Variants in SCO2 observed in about 807,000 individuals in gnomAD.
The protein encoded by SCO2 is cytochrome c oxidase assembly factor SCO2.
For missense variants in SCO2, 429 were observed against 348.7 expected, an observed-to-expected ratio of 1.23 and a Z score of -1.83; for synonymous variants, 195 against 148.6, an observed-to-expected ratio of 1.31 and a Z score of -2.27.
chr22:50,525,424 G>T, intron 1 of SCO2, 48 bp downstream of exon 1: 1 of 359,420 alleles, frequency 2.8e-6, no homozygotes, highest in South Asian at 2.8e-5. Context: ...CCGGAGTCCA[G>T]CGAGTCCTCA....
upstream of SCO2, chr22:50,525,613 T>C: frequency 2.6e-6 from 3 of 1,162,396 alleles, no homozygotes; most frequent in Non-Finnish European, 3.7e-6. Context: ...GAGCTGCGCA[T>C]GCGCACACGG....
chr22:50,525,502 A>C lies in SCO2; in HGVS notation c.-44T>G. On this transcript the variant is annotated 5_prime_UTR_variant, in exon 1 of 2. Transcript: ENST00000395693. The stretch of plus-strand genomic sequence containing the variant: ...GGCGGGGCCGCGCGTCAGTGGACCA[A>C]GCACGAGAGGAAGCGCCGACCTCCA... The C allele has an allele frequency of 1.9e-6, 1 of 538,434 alleles. No individual in the cohort carries two copies. Among genetic ancestry groups the C allele is most frequent in the East Asian group, 3.5e-5 (1 of 28,644 alleles). 33.4% of individuals were successfully genotyped at this position (538,434 alleles called of 1,614,324 possible).
At chr22:50,526,213 A>AG (rs1569522093), upstream of SCO2, 14 of 1,498,088 alleles carry the variant, frequency 9.3e-6, no homozygotes, top group Non-Finnish European at 1.2e-5. Context: ...GGGATGGCGG[A>AG]GGCGGAAGGA....
rs1243895175 is a variant in SCO2, at chr22:50,523,784, T to C, written c.628A>G (p.Asn210Asp). 2 of 1,614,004 alleles carry C rather than the reference T, an allele frequency of 1.2e-6. No individual in the cohort carries two copies. Among genetic ancestry groups the C allele is most frequent in the African/African-American group, 1.3e-5 (1 of 74,904 alleles). ...TGGTCCTCATCCTTGGGGCCTGCAT[T>C]GTAGTACACGCGGTAACTGTGACTA... The part of the protein sequence containing the change: ...QASHSYRVYY[N>D]AGPKDEDQDY... Residue 210 changes from asparagine (N) to aspartate (D), a missense_variant, in exon 2 of 2, where the codon AAT (asparagine) becomes GAT (aspartate). Transcript: ENST00000395693.
chr22:50,526,165 CGCGGGCTCGGGAAGGG>C, upstream of SCO2: 4 of 1,471,604 alleles, frequency 2.7e-6, no homozygotes, highest in Non-Finnish European at 3.6e-6. Flanking sequence ...GGCTGAGAGG[CGCGGGCTCGGGAAGGG>C]GCGGGGCCTC....
chr22:50,526,255 G>C (rs2069368367), upstream of SCO2: 1 of 1,536,254 alleles, frequency 6.5e-7, no homozygotes, highest in Non-Finnish European at 8.7e-7. Context: ...CCATCTGCGG[G>C]CGCCAGCAGC....
intron 1 of SCO2, chr22:50,524,862 A>C: frequency 2.8e-6 from 1 of 357,140 alleles, no homozygotes; most frequent in East Asian, 7.4e-5. Context: ...CACTTCAACC[A>C]ACCGCGGCCT....
chr22:50,524,807 C>T, intron 1 of SCO2: 1 of 385,954 alleles, frequency 2.6e-6, no homozygotes, highest in Non-Finnish European at 5.2e-6. Context: ...GCTTGCAATC[C>T]CCGAGAGCAA....
chr22:50,525,621 C>T (rs908721566), upstream of SCO2: 196 of 1,238,244 alleles, frequency 1.6e-4, no homozygotes, highest in Middle Eastern at 5.2e-4. Flanking sequence ...CATGCGCACA[C>T]GGGCGCAGCC....
rs1211752201 is a variant in SCO2 at position 50,523,965 on chromosome 22, C to T, written c.447G>A (p.Arg149=). ...GCAAACCAGGCTCTGCTTCCAGCTG[C>T]CGCACCACCTGCACCAGCTTCTCCA... ...DELEKLVQVV[R]QLEAEPGLPP... Residue 149 remains arginine, a synonymous_variant, in exon 2 of 2, where the codon CGG becomes CGA. Transcript: ENST00000395693. 2 of 1,612,442 alleles carry T rather than the reference C, an allele frequency of 1.2e-6. No individual in the cohort carries two copies. Among genetic ancestry groups the T allele is most frequent in the Non-Finnish European group, 8.5e-7 (1 of 1,178,944 alleles).
intron 1 of SCO2, chr22:50,524,662 C>T: frequency 1.4e-6 from 1 of 690,046 alleles, no homozygotes; most frequent in Non-Finnish European, 2.7e-6. Context: ...TCACCGCACC[C>T]TGCCCTGCAC....
At chr22:50,526,300 GGCGTTCTGCGGGACTTC>G (rs2069371833), upstream of SCO2, 1 of 1,556,606 alleles carries the variant, frequency 6.4e-7, no homozygotes, top group Non-Finnish European at 8.6e-7. Context: ...AGCAGCTGCC[GGCGTTCTGCGGGACTTC>G]CCGAGCACAG....
rs1173228514 is a variant in SCO2 at position 50,523,756 on chromosome 22, T to C, written c.656A>G (p.Asp219Gly). 1.9e-6 allele frequency: 3 copies of C among 1,614,072 alleles called. No individual in the cohort carries two copies. In the Admixed American group the frequency reaches 5.0e-5, roughly 27 times the overall value. ...GGCAATGGAGTGGTCCACGATGTAGTCCTGGTCCTCATCCTTGGGGCCTGC... is the reference window on the plus strand; with the variant it reads ...GGCAATGGAGTGGTCCACGATGTAGCCCTGGTCCTCATCCTTGGGGCCTGC... Reference protein sequence around the residue: ...YNAGPKDEDQDYIVDHSIAIY... With the variant: ...YNAGPKDEDQGYIVDHSIAIY... The change falls in exon 2 of 2, where the codon GAC (aspartate) becomes GGC (glycine). Residue 219 changes from aspartate (D) to glycine (G), a missense_variant. Asp to Gly is a moderately conservative substitution (Grantham distance 94). Transcript: ENST00000395693.
upstream of SCO2, chr22:50,525,826 C>T (rs112723255): frequency 0.05 from 80,113 of 1,609,694 alleles, 2,263 homozygotes; most frequent in Middle Eastern, 0.1. Context: ...GCGAATGGCG[C>T]GCGGTCGGAG....
At position 50,524,189 on chromosome 22, in the gene SCO2, A is replaced by C; in HGVS notation, c.223T>G (p.Trp75Gly). The C allele has an allele frequency of 1.2e-6, 2 of 1,608,770 alleles. No homozygotes were observed. Among genetic ancestry groups the C allele is most frequent in the Non-Finnish European group, 1.7e-6 (2 of 1,179,904 alleles). Reference protein sequence around the residue: ...GLFGAGLGGAWLALRAEKERL... With the variant: ...GLFGAGLGGAGLALRAEKERL... The stretch of plus-strand genomic sequence containing the variant: ...TCCTTCTCAGCCCTCAGGGCCAGCC[A>C]GGCCCCACCGAGTCCAGCCCCGAAC... Residue 75 changes from tryptophan (W) to glycine (G), a missense_variant, in exon 2 of 2, where the codon TGG (tryptophan) becomes GGG (glycine). Transcript: ENST00000395693.
chr22:50,526,029 C>T (rs1188024229), upstream of SCO2: 1 of 1,475,074 alleles, frequency 6.8e-7, no homozygotes, highest in Non-Finnish European at 8.9e-7. Context: ...CCACGTCGAC[C>T]AGCAGCTCTG....
At position 50,523,650 on chromosome 22, in the gene SCO2, C is replaced by T. The variant is rs758230136; in HGVS notation, c.762G>A (p.Val254=). ...TGCGGAAAGCCGCCATGTGCCGCCG[C>T]ACACTGTCTGAGATCTGCTCAGCCG... ...SRSAEQISDS[V]RRHMAAFRSV... Residue 254 remains valine, a synonymous_variant, in exon 2 of 2, where the codon GTG becomes GTA. Coordinates refer to ENST00000395693, the MANE Select transcript of SCO2 (RefSeq NM_005138.3). The T allele has an allele frequency of 6.2e-7, 1 of 1,613,976 alleles. No individual in the cohort carries two copies. Among genetic ancestry groups the T allele is most frequent in the Non-Finnish European group, 8.5e-7 (1 of 1,180,032 alleles).
rs1021772265 is a variant in SCO2, at chr22:50,524,713, T to C, written c.-13-289A>G. On this transcript the variant is annotated intron_variant, in intron 1 of 1. Coordinates refer to ENST00000395693, the MANE Select transcript of SCO2 (RefSeq NM_005138.3). ...GTGAACCTCTTGCTGACGGAAAGCA[T>C]TCCAAGTGCATGCCTTGCCTGAACT... 4 of 617,082 alleles carry C rather than the reference T, an allele frequency of 6.5e-6. No homozygotes were observed. In the African/African-American group the frequency reaches 7.3e-5, roughly 11 times the overall value. The allele number at this position is 617,082 out of a possible 1,614,324, so 38.2% of individuals were successfully genotyped here.
intron 1 of SCO2, among the ~76,000 whole-genome samples, chr22:50,525,254 C>T (rs1303139652): frequency 1.3e-5 from 2 of 152,260 alleles, no homozygotes; most frequent in African/African-American, 4.8e-5. Context: ...TCCAGGACCA[C>T]TCGAAGCGCC....
Sources: gnomAD v4.1 joint callset for allele counts (sites outside exome capture counted in the v4.1 genomes callset) on GRCh38, gnomAD v4.1.1 for gene constraint, MANE v1.5 for transcripts, NCBI Gene and HGNC (gene_info 2026-07-23, HGNC 2026-07-21) for gene names.